The following PTRHD1 variants were observed in gnomAD, a reference collection of about 807,000 sequenced individuals.
The protein encoded by PTRHD1 is peptidyl-tRNA hydrolase domain containing 1.
A neutral mutation model predicts 13.6 loss-of-function variants in PTRHD1; 12 were observed. That is an observed-to-expected ratio of 0.88 (90% CI 0.57 to 1.43). PTRHD1 has a LOEUF of 1.43. Ranked by LOEUF, PTRHD1 falls within the 40% of genes most tolerant of loss-of-function variation. The pLI, the probability that PTRHD1 is intolerant of heterozygous loss-of-function variation, is 0.00. For synonymous variants in PTRHD1, 86 were observed against 79.5 expected (o/e 1.08, Z -0.43); for missense variants, 203 against 184.7 (o/e 1.10, Z -0.57).
intron 1 of PTRHD1, 51 bp from the exon 2 acceptor site, chr2:24,790,632 T>A (rs1020576666): frequency 1.9e-6 from 3 of 1,548,392 alleles, no homozygotes; most frequent in Admixed American, 2.0e-5. Flanking sequence ...TTAGGAAGTG[T>A]CAAAAGGCCA....
rs1665596831 is a variant in PTRHD1 at position 24,790,511 on chromosome 2, C to T, written c.323G>A (p.Trp108Ter). Residue 108 changes from tryptophan (W) to a stop codon, truncating the protein, a stop_gained, in exon 2 of 2, where the codon TGG becomes TAG. Transcript: ENST00000328379. LOFTEE classifies it high-confidence loss of function. The stretch of plus-strand genomic sequence containing the variant: ...GGCGATATTCTCTGGTTGCTCAAGC[C>T]ACAGCATGTGGTCAATGTTCTTCTG... ...LQQKNIDHML[W>*]LEQPENIATC... The T allele has an allele frequency of 2.5e-6, 4 of 1,614,088 alleles. No homozygotes were observed. In the Admixed American group the frequency reaches 5.0e-5, roughly 20 times the overall value.
Position 24,793,319 on chromosome 2 carries a change from GC to G in PTRHD1, c.58del (p.Ala20ArgfsTer29). 2 of 1,613,866 alleles carry G rather than the reference GC, an allele frequency of 1.2e-6. No individual in the cohort carries two copies. Among genetic ancestry groups the G allele is most frequent in the Non-Finnish European group, 1.7e-6 (2 of 1,180,044 alleles). Reference protein sequence around the residue: ...RVVRKMAASGAEPQVLVQYLV... With the variant: ...RVVRKMAASGXEPQVLVQYLV... ...GTATTGTACCAGGACCTGCGGCTCC[GC>G]CCCAGAGGCCGCCATCTTCCTGACC... On this transcript the variant is annotated frameshift_variant, in exon 1 of 2. Coordinates refer to ENST00000328379, the MANE Select transcript of PTRHD1 (RefSeq NM_001013663.2). LOFTEE classifies it high-confidence loss of function.
rs541146741 is a variant in PTRHD1, at chr2:24,790,380, G to C, written c.*31C>G. The C allele has an allele frequency of 6.3e-7, 1 of 1,598,984 alleles. No homozygotes were observed. Among genetic ancestry groups the C allele is most frequent in the Non-Finnish European group, 8.5e-7 (1 of 1,170,784 alleles). Reference sequence around the variant, plus strand: ...AACACATGATGCTTTGGAATGGGTGGCCTGCGTATTCAAACACATCAAAGC... The same window carrying C: ...AACACATGATGCTTTGGAATGGGTGCCCTGCGTATTCAAACACATCAAAGC... On this transcript the variant is annotated 3_prime_UTR_variant, in exon 2 of 2. Transcript: ENST00000328379.
At chr2:24,790,641 C>A in intron 1 of PTRHD1, 60 bp from the exon 2 acceptor site, 3 of 1,520,310 alleles carry the variant, frequency 2.0e-6, no homozygotes, top group Admixed American at 2.1e-5. Flanking sequence ...GTCAAAAGGC[C>A]AAAAAAGGTT....
intron 1 of PTRHD1, chr2:24,791,569 C>T (rs993607605): frequency 6.6e-5 from 10 of 152,216 alleles, no homozygotes; most frequent in Non-Finnish European, 1.0e-4. Flanking sequence ...GCCAGTATTG[C>T]GACTCTTAAC....
chr2:24,790,653 C>T lies in PTRHD1; in HGVS notation c.253-72G>A, dbSNP rs145844994. On this transcript the variant is annotated intron_variant, in intron 1 of 1. Coordinates refer to ENST00000328379, the MANE Select transcript of PTRHD1 (RefSeq NM_001013663.2). Reference sequence around the variant, plus strand: ...AGTGTCAAAAGGCCAAAAAAGGTTTCGGGAGTCCTCTTGCCTGAAAGTGGA... The same window carrying T: ...AGTGTCAAAAGGCCAAAAAAGGTTTTGGGAGTCCTCTTGCCTGAAAGTGGA... The T allele has an allele frequency of 2.4e-4, 352 of 1,441,134 alleles. 2 individuals carry two copies. The East Asian group carries it at 8.0e-3, about 33-fold the overall frequency. 89.3% of individuals were successfully genotyped at this position (1,441,134 alleles called of 1,614,324 possible). A position where few individuals can be genotyped will look rare whatever the true frequency, so the allele number is the denominator to read the frequency against.
rs1665593973 is a variant in PTRHD1, at chr2:24,790,371, G to A, written c.*40C>T. On this transcript the variant is annotated 3_prime_UTR_variant, in exon 2 of 2. Transcript: ENST00000328379. ...ACTGCAAGGAACACATGATGCTTTGGAATGGGTGGCCTGCGTATTCAAACA... is the reference window on the plus strand; with the variant it reads ...ACTGCAAGGAACACATGATGCTTTGAAATGGGTGGCCTGCGTATTCAAACA... 2 of 1,591,436 alleles carry A rather than the reference G, an allele frequency of 1.3e-6. No individual in the cohort carries two copies. Among genetic ancestry groups the A allele is most frequent in the South Asian group, 2.3e-5 (2 of 87,554 alleles).
rs192837896 is a variant in PTRHD1 at position 24,790,568 on chromosome 2, G to C, written c.266C>G (p.Thr89Ser). 6.2e-7 allele frequency: 1 copy of C among 1,613,838 alleles called. No individual in the cohort carries two copies. The highest frequency in any genetic ancestry group is 8.5e-7 in the Non-Finnish European group (1 of 1,179,894). Residue 89 changes from threonine to serine, a missense_variant, in exon 2 of 2, where the codon ACC becomes AGC. Coordinates refer to ENST00000328379, the MANE Select transcript of PTRHD1 (RefSeq NM_001013663.2). ...GGTCTCGGCCAGCTCCTTTAGGGTG[G>C]TCTCATCTGGGGCCTAAAGGAGAAG... Reference protein sequence around the residue: ...RKVVLEAPDETTLKELAETLQ... With the variant: ...RKVVLEAPDESTLKELAETLQ...
chr2:24,791,483 C>A (rs1446525470), intron 1 of PTRHD1: 7 of 152,160 alleles, frequency 4.6e-5, no homozygotes, highest in African/African-American at 1.7e-4. Context: ...TGTTATTTTG[C>A]ATAAAGTTTA....
rs778594289 is a variant in PTRHD1 at position 24,793,234 on chromosome 2, T to C, written c.144A>G (p.Val48=). 1 of 1,613,478 alleles carries C rather than the reference T, an allele frequency of 6.2e-7. No homozygotes were observed. Among genetic ancestry groups the C allele is most frequent in the East Asian group, 2.2e-5 (1 of 44,878 alleles). The change falls in exon 1 of 2, where the codon GTA becomes GTG. Residue 48 remains valine, a synonymous_variant. Coordinates refer to ENST00000328379, the MANE Select transcript of PTRHD1 (RefSeq NM_001013663.2). ...CGGTGGCCGCGTGACAAGCCTGCGCTACCAGTGCGCCCGCCGGCCAGGAGA... is the reference window on the plus strand; with the variant it reads ...CGGTGGCCGCGTGACAAGCCTGCGCCACCAGTGCGCCCGCCGGCCAGGAGA... The part of the protein sequence containing the change: ...APFSWPAGAL[V]AQACHAATAA...
rs778996951 is a variant in PTRHD1, at chr2:24,790,574, TC to T, written c.259del (p.Asp87MetfsTer5). On this transcript the variant is annotated frameshift_variant, in exon 2 of 2. Coordinates refer to ENST00000328379, the MANE Select transcript of PTRHD1 (RefSeq NM_001013663.2). LOFTEE classifies it high-confidence loss of function. Reference sequence around the variant, plus strand: ...GGCCAGCTCCTTTAGGGTGGTCTCATCTGGGGCCTAAAGGAGAAGAACACAG... The same window carrying T: ...GGCCAGCTCCTTTAGGGTGGTCTCATTGGGGCCTAAAGGAGAAGAACACAG... ...RMRKVVLEAP[D>X]ETTLKELAET... 2 of 1,613,348 alleles carry T rather than the reference TC, an allele frequency of 1.2e-6. No individual in the cohort carries two copies. The highest frequency in any genetic ancestry group is 2.2e-5 in the South Asian group (2 of 90,996).
intron 1 of PTRHD1, among the ~76,000 whole-genome samples, chr2:24,791,203 G>C (rs1665615161): frequency 6.6e-6 from 1 of 152,080 alleles, no homozygotes; most frequent in Non-Finnish European, 1.5e-5. Flanking sequence ...AGGATTACAG[G>C]AGTGAGCCAC....
At chr2:24,792,292 T>C (rs1000825715) in intron 1 of PTRHD1, 1 of 152,248 alleles carries the variant, frequency 6.6e-6, no homozygotes, top group Non-Finnish European at 1.5e-5. Flanking sequence ...CCGTTTATTA[T>C]TAAAGCCGTT....
rs374012644 is a variant in PTRHD1 at position 24,790,451 on chromosome 2, T to G, written c.383A>C (p.Glu128Ala). ...CIALRPYPKE[E>A]VGQYLKKFRL... ...GAACTTCTTCAAATACTGGCCCACT[T>G]CTTCCTTGGGGTAGGGCCGGAGAGC... is the stretch of plus-strand genomic sequence containing the variant. Residue 128 changes from glutamate to alanine, a missense_variant, in exon 2 of 2, where the codon GAA (glutamate) becomes GCA (alanine). Physicochemically the swap from Glu to Ala is moderately radical, Grantham distance 107. Coordinates refer to ENST00000328379, the MANE Select transcript of PTRHD1 (RefSeq NM_001013663.2). The G allele has an allele frequency of 5.0e-6, 8 of 1,614,066 alleles. No homozygotes were observed. In the African/African-American group the frequency reaches 8.0e-5, roughly 16 times the overall value.
At chr2:24,790,836 A>G (rs1025230284) in intron 1 of PTRHD1, among the ~76,000 whole-genome samples, 1 of 152,088 alleles carries the variant, frequency 6.6e-6, no homozygotes, top group African/African-American at 2.4e-5. Context: ...GTAATGTGTA[A>G]TTCTGCTCTA....
intron 1 of PTRHD1, 200 bp downstream of exon 1, chr2:24,792,926 G>T: frequency 3.1e-6 from 2 of 647,138 alleles, no homozygotes; most frequent in Non-Finnish European, 2.6e-6. Context: ...CCAGCAGGGG[G>T]CGGAGGACTG....
chr2:24,790,405 C>G lies in PTRHD1; in HGVS notation c.*6G>C. The G allele has an allele frequency of 6.2e-7, 1 of 1,612,766 alleles. No individual in the cohort carries two copies. ...GCCTGCGTATTCAAACACATCAAAG[C>G]AGCAGTTACTTGAACAATCGGAACT... On this transcript the variant is annotated 3_prime_UTR_variant, in exon 2 of 2. Coordinates refer to ENST00000328379, the MANE Select transcript of PTRHD1 (RefSeq NM_001013663.2).
At position 24,793,386 on chromosome 2, in the gene PTRHD1, C is replaced by T. The variant is rs748049357; in HGVS notation, c.-9G>A. On this transcript the variant is annotated 5_prime_UTR_variant, in exon 1 of 2. Coordinates refer to ENST00000328379, the MANE Select transcript of PTRHD1 (RefSeq NM_001013663.2). ...CCTACTCCCCGGTGCATCTTGGGAT[C>T]AGGGCGGGGCCCTGAGCGCCGCCAT... The T allele has an allele frequency of 9.9e-6, 16 of 1,611,134 alleles. No homozygotes were observed. The highest frequency in any genetic ancestry group is 1.1e-5 in the Non-Finnish European group (13 of 1,178,310).
In PTRHD1 at chr2:24,793,369, C is replaced by T. The variant is rs1665696119; in HGVS notation, c.9G>A (p.Arg3=). The T allele has an allele frequency of 3.1e-6, 5 of 1,613,378 alleles. No individual in the cohort carries two copies. Among genetic ancestry groups the T allele is most frequent in the African/African-American group, 1.3e-5 (1 of 74,956 alleles). The change falls in exon 1 of 2, where the codon CGG becomes CGA. Residue 3 remains arginine, a synonymous_variant. Transcript: ENST00000328379. ...CCACCCGAAAGGCCGGACCTACTCC[C>T]CGGTGCATCTTGGGATCAGGGCGGG... MH[R]GVGPAFRVVR... is the part of the protein sequence containing the mutation.
Sources: allele counts gnomAD v4.1 joint callset (sites outside exome capture counted in the v4.1 genomes callset), GRCh38; gene constraint gnomAD v4.1.1; transcripts MANE v1.5; gene names NCBI Gene and HGNC (gene_info 2026-07-23, HGNC 2026-07-21).